Variants in CDH18 observed in about 807,000 individuals in gnomAD.
CDH18 encodes cadherin-18.
A neutral mutation model predicts 67.9 loss-of-function variants in CDH18; 31 were observed. The ratio of observed to expected loss-of-function variants is 0.46; its 90% confidence interval spans 0.34 to 0.62. The LOEUF (loss-of-function observed/expected upper bound fraction) is 0.62, where lower values mean the gene tolerates loss of function less well. CDH18 is among the 20% of genes least tolerant of loss of function. The probability of loss-of-function intolerance (pLI) is 0.01; values close to 1 mark genes in which losing one functional copy is unlikely to be tolerated. For synonymous variants in CDH18, 362 were observed against 347.2 expected (o/e 1.04, Z -0.48); for missense variants, 890 against 975.5 (o/e 0.91, Z 1.17).
intron 2 of CDH18, among the ~76,000 whole-genome samples, chr5:20,064,726 T>A (rs1240939535): frequency 6.6e-6 from 1 of 152,046 alleles, no homozygotes; most frequent in East Asian, 1.9e-4. Flanking sequence ...GAACTTCTAT[T>A]GAAAGTTAAA....
At chr5:20,172,990 CAAA>C (rs11303081) in intron 2 of CDH18, among the ~76,000 whole-genome samples, 3 of 139,840 alleles carry the variant, frequency 2.1e-5, no homozygotes, top group Admixed American at 7.3e-5. Context: ...AACTCCGTCT[CAAA>C]AAAAAAAAAA....
At chr5:20,468,386 C>A (rs1338980977) in intron 1 of CDH18, among the ~76,000 whole-genome samples, 1 of 152,182 alleles carries the variant, frequency 6.6e-6, no homozygotes, top group East Asian at 1.9e-4. Context: ...GCCACGCTGG[C>A]ATCTGCCGGC....
chr5:20,246,632 A>G (rs1056582707), intron 2 of CDH18, among the ~76,000 whole-genome samples: 13 of 152,146 alleles, frequency 8.5e-5, no homozygotes, highest in African/African-American at 2.9e-4. Flanking sequence ...AATGGCTTTG[A>G]TTACCAGATC....
chr5:19,946,849 T>C (rs1359463647), intron 2 of CDH18, among the ~76,000 whole-genome samples: 1 of 152,100 alleles, frequency 6.6e-6, no homozygotes, highest in Non-Finnish European at 1.5e-5. Context: ...CTTAACAAAG[T>C]ATTATGCAAT....
chr5:20,183,860 A>G (rs186774693), intron 2 of CDH18, among the ~76,000 whole-genome samples: 2 of 152,220 alleles, frequency 1.3e-5, no homozygotes, highest in East Asian at 1.9e-4. Context: ...TTCATTCCTC[A>G]TTAGATATAT....
chr5:20,297,993 C>T (rs767385845), intron 1 of CDH18, among the ~76,000 whole-genome samples: 15 of 151,978 alleles, frequency 9.9e-5, no homozygotes, highest in Non-Finnish European at 1.6e-4. Flanking sequence ...TCTGTCTTGC[C>T]GACTTATTAT....
intron 4 of CDH18, among the ~76,000 whole-genome samples, chr5:19,734,358 GA>G (rs1281373430): frequency 6.6e-6 from 1 of 152,156 alleles, no homozygotes; most frequent in African/African-American, 2.4e-5. Context: ...TGCATCAGAA[GA>G]GGGGACTTGT....
intron 8 of CDH18, among the ~76,000 whole-genome samples, chr5:19,557,995 T>A (rs1738745049): frequency 6.6e-6 from 1 of 151,916 alleles, no homozygotes. Flanking sequence ...AAATGAACCC[T>A]CAAAACCATG....
At chr5:19,978,532 TA>T (rs1798719430) in intron 2 of CDH18, among the ~76,000 whole-genome samples, 1 of 152,218 alleles carries the variant, frequency 6.6e-6, no homozygotes, top group South Asian at 2.1e-4. Flanking sequence ...TTTAGTGCTT[TA>T]AAAAAACACT....
intron 2 of CDH18, among the ~76,000 whole-genome samples, chr5:19,956,157 A>G (rs1172196268): frequency 2.0e-5 from 3 of 152,036 alleles, no homozygotes; most frequent in Non-Finnish European, 2.9e-5. Context: ...CAAATGAAGG[A>G]AACAAATAAA....
chr5:19,843,134 A>G (rs1239254675), intron 2 of CDH18, among the ~76,000 whole-genome samples: 1 of 152,222 alleles, frequency 6.6e-6, no homozygotes, highest in Non-Finnish European at 1.5e-5. Flanking sequence ...GTAATTCACC[A>G]AGACAATGGA....
At chr5:20,273,540 G>C (rs917743356) in intron 1 of CDH18, among the ~76,000 whole-genome samples, 1 of 152,012 alleles carries the variant, frequency 6.6e-6, no homozygotes, top group African/African-American at 2.4e-5. Context: ...TGATAACTAA[G>C]AACTTCTGTT....
chr5:20,454,475 C>T (rs1750692825), intron 1 of CDH18, among the ~76,000 whole-genome samples: 1 of 151,904 alleles, frequency 6.6e-6, no homozygotes, highest in African/African-American at 2.4e-5. Context: ...TCAAAAATGA[C>T]TTATGTAATC....
chr5:19,704,116 A>G (rs895630020), intron 5 of CDH18, among the ~76,000 whole-genome samples: 7 of 152,224 alleles, frequency 4.6e-5, no homozygotes, highest in Non-Finnish European at 8.8e-5. Context: ...CTGGAGGCAC[A>G]AATAAACAAG....
intron 3 of CDH18, among the ~76,000 whole-genome samples, chr5:19,793,988 A>C (rs920272411): frequency 2.0e-5 from 3 of 152,158 alleles, no homozygotes; most frequent in African/African-American, 4.8e-5. Context: ...AAGTGGCTTA[A>C]GTTGAAATAC....
At chr5:20,056,366 T>C (rs528000979) in intron 2 of CDH18, among the ~76,000 whole-genome samples, 2 of 149,130 alleles carry the variant, frequency 1.3e-5, no homozygotes, top group Admixed American at 6.7e-5. Flanking sequence ...ACTTTCACAA[T>C]CAGGAATGGA....
intron 2 of CDH18, among the ~76,000 whole-genome samples, chr5:20,119,518 T>C (rs1748180470): frequency 6.6e-6 from 1 of 152,166 alleles, no homozygotes; most frequent in Non-Finnish European, 1.5e-5. Flanking sequence ...TCCAGATAAA[T>C]TAATAAAAGA....
chr5:20,559,275 T>C (rs1026771276), intron 1 of CDH18, among the ~76,000 whole-genome samples: 9 of 152,062 alleles, frequency 5.9e-5, no homozygotes, highest in African/African-American at 2.2e-4. Context: ...ATCTCCTATC[T>C]AATAGTGTGA....
intron 2 of CDH18, among the ~76,000 whole-genome samples, chr5:19,959,131 G>A (rs1188107085): frequency 1.3e-5 from 2 of 152,168 alleles, no homozygotes; most frequent in South Asian, 4.1e-4. Context: ...AGGGAGGGAA[G>A]AGTGAATGAA....
Sources: gnomAD v4.1 joint callset for allele counts (sites outside exome capture counted in the v4.1 genomes callset) on GRCh38, gnomAD v4.1.1 for gene constraint, MANE v1.5 for transcripts, NCBI Gene and HGNC (gene_info 2026-07-23, HGNC 2026-07-21) for gene names.